Variants in ZNF385D observed in about 807,000 individuals in gnomAD.
The protein encoded by ZNF385D is zinc finger protein 385D, also known as zinc finger protein 659.
Under a neutral mutation model 35.8 loss-of-function variants are expected in ZNF385D, and 15 were observed. The ratio of observed to expected loss-of-function variants is 0.42; its 90% CI spans 0.28 to 0.64. The LOEUF (loss-of-function observed/expected upper bound fraction) is 0.64, where lower values mean the gene tolerates loss of function less well. ZNF385D is among the 30% of genes least tolerant of loss of function. The pLI is 0.23. For synonymous variants in ZNF385D, 212 were observed against 186.8 expected (o/e 1.13, Z -1.10); for missense variants, 474 against 494.6 (o/e 0.96, Z 0.39).
chr3:21,814,270 G>A (rs2073055403), intron 3 of ZNF385D, among the ~76,000 whole-genome samples: 1 of 152,162 alleles, frequency 6.6e-6, no homozygotes, highest in Non-Finnish European at 1.5e-5. Flanking sequence ...GACCATCGAT[G>A]TTAGGAAGAA....
intron 2 of ZNF385D, among the ~76,000 whole-genome samples, chr3:22,331,763 CGTTT>C (rs962527958): frequency 1.3e-5 from 2 of 152,028 alleles, no homozygotes; most frequent in African/African-American, 4.8e-5. Context: ...TTGATTCACC[CGTTT>C]GTTTTCAAAC....
At chr3:21,507,455 G>A (rs937621577) in intron 4 of ZNF385D, among the ~76,000 whole-genome samples, 4 of 152,044 alleles carry the variant, frequency 2.6e-5, no homozygotes, top group African/African-American at 9.6e-5. Context: ...TTTTATATAT[G>A]GACAAGCCTA....
chr3:22,185,630 G>A (rs1695578543), intron 2 of ZNF385D, among the ~76,000 whole-genome samples: 2 of 152,122 alleles, frequency 1.3e-5, no homozygotes, highest in African/African-American at 2.4e-5. Flanking sequence ...ACCACACCCA[G>A]CTAATTTTTG....
chr3:21,624,572 G>A (rs2065085974), intron 2 of ZNF385D, among the ~76,000 whole-genome samples: 1 of 152,004 alleles, frequency 6.6e-6, no homozygotes, highest in Non-Finnish European at 1.5e-5. Context: ...AATTGGATTG[G>A]TGGAAATCCG....
intron 2 of ZNF385D, among the ~76,000 whole-genome samples, chr3:22,196,388 T>C (rs1696416551): frequency 6.6e-6 from 1 of 152,050 alleles, no homozygotes; most frequent in South Asian, 2.1e-4. Flanking sequence ...AGTAGGATTG[T>C]CACTTGATTA....
chr3:22,245,478 C>CAA (rs10576851), intron 2 of ZNF385D, among the ~76,000 whole-genome samples: 4,527 of 124,282 alleles, frequency 0.036, 81 homozygotes, highest in Non-Finnish European at 0.043. Context: ...CAGGATAAGC[C>CAA]AAAAAAAAAA....
chr3:22,016,935 G>GAC (rs140018760), intron 3 of ZNF385D, among the ~76,000 whole-genome samples: 30,235 of 148,778 alleles, frequency 0.2, 3,160 homozygotes, highest in South Asian at 0.31. Context: ...CCATCCATCG[G>GAC]ACACACACAC....
At chr3:21,837,452 G>C (rs1180611495) in intron 3 of ZNF385D, among the ~76,000 whole-genome samples, 2 of 152,066 alleles carry the variant, frequency 1.3e-5, no homozygotes, top group Non-Finnish European at 2.9e-5. Context: ...TACATCCCAG[G>C]CTTCTTCATG....
intron 2 of ZNF385D, among the ~76,000 whole-genome samples, chr3:22,305,557 C>A (rs942705119): frequency 1.3e-5 from 2 of 152,112 alleles, no homozygotes; most frequent in African/African-American, 4.8e-5. Flanking sequence ...GCCTCTACCT[C>A]CTGGAGCATC....
intron 3 of ZNF385D, among the ~76,000 whole-genome samples, chr3:21,962,725 T>A (rs764483072): frequency 6.6e-6 from 1 of 152,186 alleles, no homozygotes; most frequent in East Asian, 1.9e-4. Flanking sequence ...TGGAACCAGA[T>A]GATTTTCTTT....
chr3:21,909,211 A>C (rs906922947), intron 3 of ZNF385D, among the ~76,000 whole-genome samples: 1 of 152,070 alleles, frequency 6.6e-6, no homozygotes, highest in Admixed American at 6.6e-5. Flanking sequence ...AATACGGTCC[A>C]CATATGGAAG....
At chr3:21,865,687 G>A (rs778434438) in intron 3 of ZNF385D, among the ~76,000 whole-genome samples, 1 of 152,104 alleles carries the variant, frequency 6.6e-6, no homozygotes, top group East Asian at 1.9e-4. Context: ...GAGGAACTTA[G>A]TTTATGGAAG....
intron 2 of ZNF385D, among the ~76,000 whole-genome samples, chr3:21,612,339 C>A (rs1348332871): frequency 1.3e-5 from 2 of 152,066 alleles, no homozygotes; most frequent in Non-Finnish European, 2.9e-5. Context: ...ACCTCGTGAT[C>A]TGCCCACCTC....
chr3:21,883,171 G>A (rs1032548503), intron 3 of ZNF385D, among the ~76,000 whole-genome samples: 2 of 151,848 alleles, frequency 1.3e-5, no homozygotes, highest in Non-Finnish European at 2.9e-5. Context: ...TTATGACAAT[G>A]TCTTGGTAGC....
intron 2 of ZNF385D, among the ~76,000 whole-genome samples, chr3:22,309,845 A>G (rs1703440108): frequency 1.3e-5 from 2 of 151,990 alleles, no homozygotes; most frequent in African/African-American, 2.4e-5. Context: ...CTTGATATCC[A>G]AGATAAAAAG....
At chr3:21,712,738 A>G (rs2068161695) in intron 1 of ZNF385D, among the ~76,000 whole-genome samples, 1 of 152,174 alleles carries the variant, frequency 6.6e-6, no homozygotes, top group African/African-American at 2.4e-5. Context: ...GTCTGAATAC[A>G]TAAAACCTGT....
At chr3:22,037,282 A>G (rs77516928) in intron 3 of ZNF385D, among the ~76,000 whole-genome samples, 72,232 of 116,188 alleles carry the variant, frequency 0.62, 24,422 homozygotes, top group Middle Eastern at 0.78. Context: ...CTGAGGAATC[A>G]CCACACTGTC....
intron 3 of ZNF385D, among the ~76,000 whole-genome samples, chr3:22,107,191 T>C (rs1023763468): frequency 1.3e-5 from 2 of 151,878 alleles, no homozygotes; most frequent in Non-Finnish European, 2.9e-5. Context: ...ACCTAGCTAA[T>C]TTTTTATTCT....
At position 21,902,865 on chromosome 3, in the gene ZNF385D, A is replaced by C. The variant is rs186517167; in HGVS notation, c.326-237837T>G. 5.3e-5 allele frequency among the ~76,000 whole-genome samples: 8 copies of C among 152,268 alleles called. No homozygotes were observed. In the East Asian group the frequency reaches 1.5e-3, roughly 29 times the overall value. ...GTATAATAATAATTAAAAAACTGAT[A>C]ATACACCCCTTTAGTAGGAGTAACT... On this transcript the variant is annotated intron_variant, in intron 3 of 5. Coordinates refer to the ZNF385D transcript ENST00000494108.
Sources: allele counts gnomAD v4.1 joint callset (sites outside exome capture counted in the v4.1 genomes callset), GRCh38; gene constraint gnomAD v4.1.1; transcripts MANE v1.5; gene names NCBI Gene and HGNC (gene_info 2026-07-23, HGNC 2026-07-21).